The following FAM86B1 variants were observed in gnomAD, a reference collection of about 807,000 sequenced individuals.
FAM86B1 encodes the protein putative protein N-methyltransferase FAM86B1.
For missense variants in FAM86B1, 13 were observed against 328.1 expected (o/e 0.04, Z 7.42); for synonymous variants, 4 against 137.6 (o/e 0.03, Z 6.79).
intron 3 of FAM86B1, among the ~76,000 whole-genome samples, chr8:12,189,259 TAAATAAATAAATAAATAA>T (rs1806392570): frequency 3.5e-5 from 1 of 28,224 alleles, no homozygotes; most frequent in African/African-American, 2.1e-4. Flanking sequence ...AAAAAATATA[TAAATAAATAAATAAATAA>T]ATAAATAAAT....
At chr8:12,193,082 C>T (rs1198599275) in intron 1 of FAM86B1, among the ~76,000 whole-genome samples, 1 of 143,832 alleles carries the variant, frequency 7.0e-6, no homozygotes, top group Non-Finnish European at 1.5e-5. Flanking sequence ...TAGTACCCAC[C>T]TGGTGGGTGT....
intron 2 of FAM86B1, among the ~76,000 whole-genome samples, chr8:12,190,976 G>A (rs1295416657): frequency 2.0e-5 from 3 of 146,622 alleles, no homozygotes; most frequent in Admixed American, 1.4e-4. Context: ...AGCAAGGTGC[G>A]AGATAACTTC....
chr8:12,191,351 T>C (rs1347562306), intron 2 of FAM86B1, among the ~76,000 whole-genome samples: 1 of 114,528 alleles, frequency 8.7e-6, no homozygotes, highest in Non-Finnish European at 1.7e-5. Flanking sequence ...TGCATGCAGA[T>C]GCACTTGAGT....
At chr8:12,191,503 GT>G (rs1269710243) in intron 2 of FAM86B1, among the ~76,000 whole-genome samples, 2 of 114,806 alleles carry the variant, frequency 1.7e-5, no homozygotes, top group African/African-American at 8.8e-5. Context: ...TGTCATCTCT[GT>G]TTTTGCTGTG....
At chr8:12,184,070 C>CA (rs143069000) in intron 6 of FAM86B1, among the ~76,000 whole-genome samples, 65 of 47,576 alleles carry the variant, frequency 1.4e-3, no homozygotes, top group African/African-American at 8.9e-3. Context: ...GACTCTGTCT[C>CA]AAAAAAAAAA....
At chr8:12,194,293 C>G (rs1807484075), upstream of FAM86B1, among the ~76,000 whole-genome samples, 2 of 147,566 alleles carry the variant, frequency 1.4e-5, no homozygotes, top group African/African-American at 2.7e-5. Context: ...CGGGGCAGGT[C>G]CTGGGTAGAG....
chr8:12,185,096 G>C, intron 6 of FAM86B1: 2 of 858,156 alleles, frequency 2.3e-6, no homozygotes, highest in South Asian at 3.5e-5. Flanking sequence ...TTATAGATGA[G>C]GAAACCGAGG....
chr8:12,192,788 GA>G (rs1210461530), intron 1 of FAM86B1, among the ~76,000 whole-genome samples: 16 of 149,244 alleles, frequency 1.1e-4, no homozygotes, highest in Admixed American at 5.3e-4. Context: ...TGAGACTGAA[GA>G]AAACACTAGC....
chr8:12,187,275 A>T (rs1160709427), intron 3 of FAM86B1, among the ~76,000 whole-genome samples: 1 of 22,078 alleles, frequency 4.5e-5, no homozygotes, highest in Admixed American at 6.6e-4. Flanking sequence ...TTACTGCAAC[A>T]TCTGCCTCCT....
rs555531578 is a variant in FAM86B1, at chr8:12,182,440, G to A, written c.*1166C>T. 3.4e-6 allele frequency: 4 copies of A among 1,160,432 alleles called. No individual in the cohort carries two copies. In the African/African-American group the frequency reaches 4.8e-5, roughly 14 times the overall value. The allele number at this position is 1,160,432 out of a possible 1,614,324, so 71.9% of individuals were successfully genotyped here. A position where few individuals can be genotyped will look rare whatever the true frequency, so the allele number is the denominator to read the frequency against. On this transcript the variant is annotated 3_prime_UTR_variant, in exon 7 of 7. Transcript: ENST00000448228. The stretch of plus-strand genomic sequence containing the variant: ...AAGGGTCTCAAGTCCAAGTGAGGGG[G>A]GTTGTGAAGGGTCTCAAGTCCAAGT...
At chr8:12,188,972 G>A (rs2150729861) in intron 3 of FAM86B1, among the ~76,000 whole-genome samples, 1 of 110,214 alleles carries the variant, frequency 9.1e-6, no homozygotes, top group East Asian at 2.4e-4. Flanking sequence ...CCTAGGCCAG[G>A]TGCGGTGGCT....
intron 3 of FAM86B1, among the ~76,000 whole-genome samples, chr8:12,189,251 AAAATATATAAATAAAT>A (rs1563196840): frequency 1.0e-4 from 13 of 129,366 alleles, no homozygotes; most frequent in South Asian, 2.4e-4. Context: ...TGTCTCAAAA[AAAATATATAAATAAAT>A]AAATAAATAA....
Position 12,182,577 on chromosome 8 carries a change from G to A in FAM86B1, c.*1029C>T, listed in dbSNP as rs779200637. The stretch of plus-strand genomic sequence containing the variant: ...GCAATGAGTTAAGCTCTGCTCTTTA[G>A]CATTTTGCAGATGCTTTTCTCAAAC... On this transcript the variant is annotated 3_prime_UTR_variant, in exon 7 of 7. Transcript: ENST00000448228. 4.4e-4 allele frequency: 628 copies of A among 1,427,478 alleles called. 5 individuals carry two copies. Among genetic ancestry groups the A allele is most frequent in the Non-Finnish European group, 1.7e-4 (178 of 1,047,510 alleles). 88.4% of individuals were successfully genotyped at this position (1,427,478 alleles called of 1,614,324 possible).
chr8:12,187,283 C>A (rs1029302211), intron 3 of FAM86B1, among the ~76,000 whole-genome samples: 3 of 22,042 alleles, frequency 1.4e-4, no homozygotes, highest in African/African-American at 2.7e-4. Context: ...ACATCTGCCT[C>A]CTGGGTTCAA....
chr8:12,187,206 A>AT (rs138357947), intron 3 of FAM86B1, among the ~76,000 whole-genome samples: 540 of 17,122 alleles, frequency 0.032, 79 homozygotes, highest in African/African-American at 0.049. Context: ...GTTTTATCTC[A>AT]TTTTTTTTTT....
At chr8:12,193,346 C>T (rs1807253686) in intron 1 of FAM86B1, among the ~76,000 whole-genome samples, 1 of 144,068 alleles carries the variant, frequency 6.9e-6, no homozygotes, top group African/African-American at 2.9e-5. Flanking sequence ...CCAGTGAGCT[C>T]AATGCACATG....
At position 12,185,378 on chromosome 8, in the gene FAM86B1, A is replaced by G; in HGVS notation, c.788T>C (p.Leu263Pro). Residue 263 changes from leucine to proline, a missense_variant and splice_region_variant, in exon 6 of 7, where the codon CTA (leucine) becomes CCA (proline). By Grantham distance (98) the Leu-to-Pro change is moderately conservative. Transcript: ENST00000448228. ...PETCQLFTTE[L>P]GRDGIRWEAE... ...CCCGGGTGGGCGTGGGGGTTCACCT[A>G]GCTCGGTGGTGAACAGCTGGCACGT... 1.3e-6 allele frequency: 2 copies of G among 1,587,790 alleles called. No homozygotes were observed. The highest frequency in any genetic ancestry group is 1.7e-6 in the Non-Finnish European group (2 of 1,165,084).
chr8:12,191,075 T>C (rs1286379545), intron 2 of FAM86B1, among the ~76,000 whole-genome samples: 1 of 145,608 alleles, frequency 6.9e-6, no homozygotes, highest in African/African-American at 2.7e-5. Flanking sequence ...TGGATAATCT[T>C]GGTTCATCTC....
At chr8:12,184,970 C>T in intron 6 of FAM86B1, among the ~76,000 whole-genome samples, 1 of 138,610 alleles carries the variant, frequency 7.2e-6, no homozygotes, top group Non-Finnish European at 1.6e-5. Context: ...CTTCCATCAA[C>T]TGGGTGCTCA....
Sources: gnomAD v4.1 joint callset for allele counts (sites outside exome capture counted in the v4.1 genomes callset) on GRCh38, gnomAD v4.1.1 for gene constraint, MANE v1.5 for transcripts, NCBI Gene and HGNC (gene_info 2026-07-23, HGNC 2026-07-21) for gene names.